MRPS27: variants seen among roughly 807,000 people sequenced by gnomAD.
MRPS27 encodes small ribosomal subunit protein mS27.
A neutral mutation model predicts 48.9 loss-of-function variants in MRPS27; 43 were observed. That is an observed-to-expected ratio of 0.88 (90% confidence interval 0.69 to 1.13). The LOEUF (loss-of-function observed/expected upper bound fraction) is 1.13, where lower values mean the gene tolerates loss of function less well. Ranked by LOEUF, MRPS27 falls within the 50% of genes most tolerant of loss-of-function variation. MRPS27 has a pLI of 0.00. For missense variants in MRPS27, 467 were observed against 476.3 expected (o/e 0.98, Z 0.18); for synonymous variants, 188 against 171.9 (o/e 1.09, Z -0.73).
intron 4 of MRPS27, among the ~76,000 whole-genome samples, chr5:72,246,259 A>G (rs1748510747): frequency 1.3e-5 from 2 of 152,252 alleles, no homozygotes; most frequent in African/African-American, 4.8e-5. Context: ...TGGCTAAAAT[A>G]AAGTTGAAGC....
chr5:72,256,379 GAGT>G (rs1466499889), intron 4 of MRPS27, among the ~76,000 whole-genome samples: 3 of 152,134 alleles, frequency 2.0e-5, no homozygotes, highest in Admixed American at 2.0e-4. Context: ...AAATTTAATG[GAGT>G]AGGTTGGAGA....
intron 8 of MRPS27, chr5:72,227,814 C>A (rs765099268): frequency 1.6e-4 from 26 of 163,520 alleles, no homozygotes; most frequent in Non-Finnish European, 2.9e-4. Flanking sequence ...AGTGCTACTA[C>A]TTCTGCTCTT....
chr5:72,278,184 T>C (rs1262429034), intron 4 of MRPS27, among the ~76,000 whole-genome samples: 1 of 152,156 alleles, frequency 6.6e-6, no homozygotes, highest in Admixed American at 6.5e-5. Flanking sequence ...GGCTCATGCC[T>C]GTAATCCCAG....
Position 72,255,851 on chromosome 5 carries a change from T to C in MRPS27, c.282-17723A>G, listed in dbSNP as rs141577136. 7.2e-5 allele frequency among the ~76,000 whole-genome samples: 11 copies of C among 152,276 alleles called. No homozygotes were observed. In the East Asian group the frequency reaches 1.9e-3, roughly 27 times the overall value. ...CTGCCTGACGCTAAAATAGGTGATCTAGGGAGCAAAGTCTCTATCAACTTT... is the reference window on the plus strand; with the variant it reads ...CTGCCTGACGCTAAAATAGGTGATCCAGGGAGCAAAGTCTCTATCAACTTT... On this transcript the variant is annotated intron_variant, in intron 4 of 10. Transcript: ENST00000261413.
chr5:72,248,973 T>C (rs1290125417), intron 4 of MRPS27, among the ~76,000 whole-genome samples: 1 of 152,194 alleles, frequency 6.6e-6, no homozygotes, highest in Non-Finnish European at 1.5e-5. Context: ...ACAATTACAC[T>C]GAGTTCGAAG....
chr5:72,261,083 C>T (rs112714378), intron 4 of MRPS27, among the ~76,000 whole-genome samples: 2,334 of 152,184 alleles, frequency 0.015, 68 homozygotes, highest in African/African-American at 0.051. Flanking sequence ...AGACTGGTCT[C>T]GAACTCCTGG....
chr5:72,244,706 C>T (rs901210940), intron 4 of MRPS27, among the ~76,000 whole-genome samples: 7 of 151,122 alleles, frequency 4.6e-5, no homozygotes, highest in East Asian at 1.9e-4. Flanking sequence ...TAAGTAGAGA[C>T]GGAAGTGTTG....
intron 5 of MRPS27, 91 bp downstream of exon 5, chr5:72,237,923 C>A: frequency 1.2e-6 from 1 of 818,720 alleles, no homozygotes. Context: ...AAAGTTATTT[C>A]TGGTGTTATT....
intron 4 of MRPS27, among the ~76,000 whole-genome samples, chr5:72,265,896 C>T (rs1749096654): frequency 6.6e-6 from 1 of 152,174 alleles, no homozygotes; most frequent in Admixed American, 6.5e-5. Flanking sequence ...TAAGGCAGAA[C>T]ACCTTATTTT....
intron 4 of MRPS27, among the ~76,000 whole-genome samples, chr5:72,276,175 C>T (rs1749370034): frequency 6.6e-6 from 1 of 152,130 alleles, no homozygotes; most frequent in Non-Finnish European, 1.5e-5. Flanking sequence ...TACTACAAGG[C>T]TACAATAACC....
chr5:72,287,038 G>T (rs937021275), intron 4 of MRPS27, among the ~76,000 whole-genome samples: 7 of 152,114 alleles, frequency 4.6e-5, no homozygotes, highest in African/African-American at 1.7e-4. Context: ...GTGGGTGGGT[G>T]AGCATTACCG....
intron 7 of MRPS27, among the ~76,000 whole-genome samples, chr5:72,230,273 A>C (rs1271476306): frequency 2.0e-5 from 3 of 152,122 alleles, no homozygotes; most frequent in Admixed American, 1.3e-4. Context: ...AAGTTTTTCC[A>C]TTTTATGCTT....
chr5:72,246,270 C>A (rs1056991503), intron 4 of MRPS27, among the ~76,000 whole-genome samples: 4 of 152,028 alleles, frequency 2.6e-5, no homozygotes, highest in Non-Finnish European at 4.4e-5. Flanking sequence ...AAGTTGAAGC[C>A]AAGAAGAAAT....
At chr5:72,272,085 C>G (rs1175919346) in intron 4 of MRPS27, among the ~76,000 whole-genome samples, 6 of 152,160 alleles carry the variant, frequency 3.9e-5, no homozygotes, top group Admixed American at 2.0e-4. Flanking sequence ...GGATTCCCCC[C>G]CCATCTCCTG....
intron 4 of MRPS27, among the ~76,000 whole-genome samples, chr5:72,254,372 C>T (rs1373644792): frequency 6.6e-6 from 1 of 151,808 alleles, no homozygotes; most frequent in Non-Finnish European, 1.5e-5. Context: ...TGTGCACACA[C>T]ACACATATAT....
chr5:72,306,645 C>T (rs1561363514), intron 2 of MRPS27, among the ~76,000 whole-genome samples: 3 of 151,940 alleles, frequency 2.0e-5, no homozygotes, highest in African/African-American at 7.3e-5. Context: ...TTTCAACAAA[C>T]TAAATTAAAA....
At chr5:72,236,377 A>G (rs1580058820) in intron 5 of MRPS27, among the ~76,000 whole-genome samples, 1 of 152,166 alleles carries the variant, frequency 6.6e-6, no homozygotes, top group East Asian at 1.9e-4. Flanking sequence ...TTATTTGCCT[A>G]AAGTTACCAG....
intron 10 of MRPS27, among the ~76,000 whole-genome samples, chr5:72,223,479 G>C (rs1248695599): frequency 6.6e-6 from 1 of 152,194 alleles, no homozygotes. Context: ...TGACCAATTA[G>C]CTCAAGTACA....
intron 4 of MRPS27, chr5:72,241,541 A>C: frequency 8.8e-7 from 1 of 1,133,472 alleles, no homozygotes; most frequent in Non-Finnish European, 1.3e-6. Flanking sequence ...TTTGAGAAGA[A>C]TTCCTGTTGG....
Sources: gnomAD v4.1 joint callset for allele counts (sites outside exome capture counted in the v4.1 genomes callset) on GRCh38, gnomAD v4.1.1 for gene constraint, MANE v1.5 for transcripts, NCBI Gene and HGNC (gene_info 2026-07-23, HGNC 2026-07-21) for gene names.